The following RABGAP1L variants were observed in gnomAD, a reference collection of about 807,000 sequenced individuals.
RABGAP1L encodes RAB GTPase activating protein 1 like.
RABGAP1L carries 63 observed loss-of-function variants against 137.7 expected under a neutral mutation model. The observed-to-expected ratio is 0.46, with a 90% CI of 0.37 to 0.56. The LOEUF (loss-of-function observed/expected upper bound fraction) is 0.56. RABGAP1L is among the 20% of genes least tolerant of loss of function. The probability of loss-of-function intolerance (pLI) is 0.00; values close to 1 mark genes in which losing one functional copy is unlikely to be tolerated. For synonymous variants in RABGAP1L, 431 were observed against 433.7 expected, an observed-to-expected ratio of 0.99 and a Z score of 0.08; for missense variants, 1,095 against 1,244.0, an observed-to-expected ratio of 0.88 and a Z score of 1.80.
chr1:174,348,293 G>A (rs114070800), intron 11 of RABGAP1L, among the ~76,000 whole-genome samples: 8,565 of 143,896 alleles, frequency 0.06, 826 homozygotes, highest in African/African-American at 0.21. Context: ...AAAAGTAATC[G>A]CAGTTTTTGC....
rs1395574561 is a variant in RABGAP1L at position 174,622,467 on chromosome 1, A to G, written c.1711-14908A>G. ...TTGGAACCAACCCAAATGTCCAACA[A>G]TGATAGACTGGATTAAGAAAATGTG... On this transcript the variant is annotated intron_variant, in intron 13 of 25. Transcript: ENST00000681986. Among the ~76,000 whole-genome samples, 5 of 152,342 alleles carry G rather than the reference A, an allele frequency of 3.3e-5. No homozygotes were observed. The South Asian group carries it at 6.2e-4, about 19-fold the overall frequency.
At chr1:174,233,430 A>C (rs374195372) in intron 4 of RABGAP1L, among the ~76,000 whole-genome samples, 6 of 94,972 alleles carry the variant, frequency 6.3e-5, no homozygotes, top group East Asian at 6.8e-4. Flanking sequence ...CCCACCCCAC[A>C]ACAGTCCCCA....
chr1:174,336,524 A>C (rs879796902), intron 11 of RABGAP1L, among the ~76,000 whole-genome samples: 2 of 152,222 alleles, frequency 1.3e-5, no homozygotes, highest in Admixed American at 6.5e-5. Context: ...TGTGGCAGGC[A>C]CTGGTTAAGG....
Position 174,332,815 on chromosome 1 carries a change from C to G in RABGAP1L, c.1465+27688C>G, listed in dbSNP as rs544101951. ...GTTAAAAAAAAACTGATCCGGCAGTCTCACTACTGGAGTATTTATCCAAAG... is the reference window on the plus strand; with the variant it reads ...GTTAAAAAAAAACTGATCCGGCAGTGTCACTACTGGAGTATTTATCCAAAG... On this transcript the variant is annotated intron_variant, in intron 11 of 25. Coordinates refer to ENST00000681986, the MANE Select transcript of RABGAP1L (RefSeq NM_001366446.1). Among the ~76,000 whole-genome samples the G allele has an allele frequency of 2.6e-5, 4 of 152,262 alleles. No homozygotes were observed. The South Asian group carries it at 8.3e-4, about 32-fold the overall frequency.
chr1:174,900,773 G>A (rs1204896287), intron 19 of RABGAP1L, among the ~76,000 whole-genome samples: 1 of 152,262 alleles, frequency 6.6e-6, no homozygotes, highest in East Asian at 1.9e-4. Context: ...ACCTGCATTG[G>A]CCTCCCAAAG....
chr1:174,174,195 TACACAC>T (rs56864336), intron 1 of RABGAP1L, among the ~76,000 whole-genome samples: 3,566 of 145,622 alleles, frequency 0.024, 57 homozygotes, highest in African/African-American at 0.041. Context: ...GGAAAAAAAA[TACACAC>T]ACACACACAC....
intron 19 of RABGAP1L, among the ~76,000 whole-genome samples, chr1:174,871,965 T>C (rs1190576416): frequency 1.3e-5 from 2 of 152,180 alleles, no homozygotes; most frequent in Non-Finnish European, 2.9e-5. Context: ...CGGTGGATTT[T>C]AGTTTCAAAT....
In RABGAP1L at chr1:174,291,804, AATTT is replaced by A. The variant is rs1032604779; in HGVS notation, c.1323+13030_1323+13033del. The stretch of plus-strand genomic sequence containing the variant: ...TCTTCCTTTATTCCTGACATTGGTT[AATTT>A]ATTTGTTTTCTCCCTTTGTTTTAAT... On this transcript the variant is annotated intron_variant, in intron 10 of 25. Coordinates refer to ENST00000681986, the MANE Select transcript of RABGAP1L (RefSeq NM_001366446.1). Among the ~76,000 whole-genome samples the A allele has an allele frequency of 7.3e-4, 111 of 151,780 alleles. 1 individual carries two copies. The highest frequency in any genetic ancestry group is 2.6e-3 in the African/African-American group (109 of 41,446).
intron 13 of RABGAP1L, among the ~76,000 whole-genome samples, chr1:174,434,118 C>A (rs917011862): frequency 7.1e-6 from 1 of 141,064 alleles, no homozygotes. Flanking sequence ...TACACACACA[C>A]ACACACACAC....
chr1:174,715,175 T>C (rs1192925675), intron 17 of RABGAP1L, among the ~76,000 whole-genome samples: 1 of 152,210 alleles, frequency 6.6e-6, no homozygotes, highest in Non-Finnish European at 1.5e-5. Flanking sequence ...TTGGCAAAAG[T>C]ATATGAAATA....
At chr1:174,366,598 C>T (rs895940849) in intron 11 of RABGAP1L, among the ~76,000 whole-genome samples, 20 of 151,680 alleles carry the variant, frequency 1.3e-4, no homozygotes, top group African/African-American at 4.8e-4. Flanking sequence ...GGTGAAACCT[C>T]ATCTCTACTA....
chr1:174,653,063 C>G (rs972034352), intron 14 of RABGAP1L, among the ~76,000 whole-genome samples: 1 of 152,148 alleles, frequency 6.6e-6, no homozygotes, highest in Non-Finnish European at 1.5e-5. Context: ...GGGCTCTGCC[C>G]AGTTCGAACT....
intron 11 of RABGAP1L, among the ~76,000 whole-genome samples, chr1:174,305,970 T>G (rs1678198253): frequency 6.6e-6 from 1 of 152,124 alleles, no homozygotes; most frequent in Non-Finnish European, 1.5e-5. Context: ...TGTGTCCAAG[T>G]GTTCTCATTG....
intron 13 of RABGAP1L, among the ~76,000 whole-genome samples, chr1:174,532,154 A>G (rs1287900899): frequency 1.3e-5 from 2 of 152,080 alleles, no homozygotes; most frequent in Admixed American, 6.6e-5. Flanking sequence ...GGGCCTATTG[A>G]GAAAGCAGTT....
intron 17 of RABGAP1L, among the ~76,000 whole-genome samples, chr1:174,739,211 A>C (rs1051522101): frequency 3.3e-5 from 5 of 152,162 alleles, no homozygotes; most frequent in Admixed American, 3.3e-4. Flanking sequence ...GGTTTAAATA[A>C]ATTTTACAGT....
intron 17 of RABGAP1L, among the ~76,000 whole-genome samples, chr1:174,731,406 A>C (rs1682459538): frequency 6.6e-6 from 1 of 152,200 alleles, no homozygotes; most frequent in African/African-American, 2.4e-5. Flanking sequence ...TGTCATGTTT[A>C]AGATTTCTAG....
chr1:174,967,912 C>T (rs1199959145), intron 20 of RABGAP1L, among the ~76,000 whole-genome samples: 1 of 142,526 alleles, frequency 7.0e-6, no homozygotes. Flanking sequence ...CATTCTCCAA[C>T]TATTCTTATT....
At chr1:174,884,734 G>A (rs1250261361) in intron 19 of RABGAP1L, among the ~76,000 whole-genome samples, 1 of 152,232 alleles carries the variant, frequency 6.6e-6, no homozygotes, top group Non-Finnish European at 1.5e-5. Flanking sequence ...GCTGGTACTG[G>A]ACTGATGCTG....
intron 11 of RABGAP1L, chr1:174,367,612 T>A: frequency 3.7e-6 from 1 of 268,518 alleles, no homozygotes; most frequent in Non-Finnish European, 7.3e-6. Context: ...TCCTATGCAC[T>A]TCATTTTGTT....
Sources: gnomAD v4.1 joint callset for allele counts (sites outside exome capture counted in the v4.1 genomes callset) on GRCh38, gnomAD v4.1.1 for gene constraint, MANE v1.5 for transcripts, NCBI Gene and HGNC (gene_info 2026-07-23, HGNC 2026-07-21) for gene names.